Variants in MAPK8IP1 observed in about 807,000 individuals in gnomAD.
MAPK8IP1 encodes mitogen-activated protein kinase 8 interacting protein 1.
MAPK8IP1 carries 17 observed loss-of-function variants against 72.6 expected under a neutral mutation model. The observed-to-expected ratio is 0.23, with a 90% confidence interval of 0.16 to 0.35. The LOEUF is 0.35. Among genes scored for constraint, MAPK8IP1 ranks in the 10% least tolerant of loss-of-function variants. The probability of loss-of-function intolerance (pLI) is 1.00; values close to 1 mark genes in which losing one functional copy is unlikely to be tolerated. For missense variants in MAPK8IP1, 789 were observed against 1,009.7 expected (o/e 0.78, Z 2.96); for synonymous variants, 401 against 443.4 (o/e 0.90, Z 1.20).
At chr11:45,890,995 G>A (rs1418310968) in intron 1 of MAPK8IP1, among the ~76,000 whole-genome samples, 2 of 152,206 alleles carry the variant, frequency 1.3e-5, no homozygotes, top group Non-Finnish European at 2.9e-5. Context: ...GGTGGAGGTG[G>A]GGAGGTGCTG....
Position 45,904,112 on chromosome 11 carries a change from T to C in MAPK8IP1, c.1617T>C (p.Phe539=). The change falls in exon 7 of 12, where the codon TTT becomes TTC. Residue 539 remains phenylalanine (F), a synonymous_variant. Transcript: ENST00000241014. The surrounding 1 kb of genome is among the most constrained non-coding windows in gnomAD (Gnocchi z 6.4). The stretch of plus-strand genomic sequence containing the variant: ...TGCGCACTGGTGCCCGGGGTGTCTT[T>C]CCTGCCTATTACGCCATCGAGGTCA... ...YNMRTGARGV[F]PAYYAIEVTK... The C allele has an allele frequency of 5.0e-6, 8 of 1,614,052 alleles. No individual in the cohort carries two copies. Among genetic ancestry groups the C allele is most frequent in the Non-Finnish European group, 5.9e-6 (7 of 1,180,004 alleles).
intron 1 of MAPK8IP1, 132 bp downstream of exon 1, chr11:45,886,053 C>G (rs1346217620): frequency 6.0e-6 from 3 of 503,158 alleles, no homozygotes; most frequent in Non-Finnish European, 9.9e-6. Flanking sequence ...GGGGTCTCTT[C>G]CCGGGACAGA....
chr11:45,886,752 G>C (rs1306469969), intron 1 of MAPK8IP1, among the ~76,000 whole-genome samples: 1 of 152,174 alleles, frequency 6.6e-6, no homozygotes, highest in East Asian at 1.9e-4. Context: ...CCTAGTTGGT[G>C]GGGAGGAAGA....
In MAPK8IP1 at chr11:45,902,835, G is replaced by T; in HGVS notation, c.1068G>T (p.Leu356=). The T allele has an allele frequency of 6.3e-7, 1 of 1,582,312 alleles. No individual in the cohort carries two copies. Residue 356 remains leucine (L), a synonymous_variant, in exon 5 of 12, where the codon CTG becomes CTT. Transcript: ENST00000241014. The surrounding 1 kb of genome is among the most constrained non-coding windows in gnomAD (Gnocchi z 9.3). ...EPPGGGWRGS[L]GEPPPPPRAS... The stretch of plus-strand genomic sequence containing the variant: ...CAGGCGGAGGGTGGCGGGGGAGCCT[G>T]GGGGAGCCGCCGCCACCTCCACGGG...
At chr11:45,893,217 T>C (rs941622659) in intron 1 of MAPK8IP1, among the ~76,000 whole-genome samples, 2 of 150,834 alleles carry the variant, frequency 1.3e-5, no homozygotes, top group African/African-American at 5.0e-5. Context: ...CATACACTTC[T>C]AACTCAGCCT....
rs541379311 is a variant in MAPK8IP1, at chr11:45,896,997, G to C, written c.102-1088G>C. 27 of 1,541,548 alleles carry C rather than the reference G, an allele frequency of 1.8e-5. No homozygotes were observed. In the African/African-American group the frequency reaches 2.1e-4, roughly 12 times the overall value. ...GGGGGTGGAGACCGAGTTGGGGTGAGCTCCATCGAGCTCAGGGTCTCTGAT... is the reference window on the plus strand; with the variant it reads ...GGGGGTGGAGACCGAGTTGGGGTGACCTCCATCGAGCTCAGGGTCTCTGAT... On this transcript the variant is annotated intron_variant, in intron 1 of 11. Coordinates refer to ENST00000241014, the MANE Select transcript of MAPK8IP1 (RefSeq NM_005456.4).
In MAPK8IP1 at chr11:45,906,427, C is replaced by T; in HGVS notation, c.*706C>T. ...GGCCAGCCCCATCTTGGTCCTGTCA[C>T]CCTGGCCCCAACTATTAAAGTGCCA... On this transcript the variant is annotated 3_prime_UTR_variant, in exon 12 of 12. Transcript: ENST00000241014. The T allele has an allele frequency of 8.7e-7, 1 of 1,150,730 alleles. No individual in the cohort carries two copies. The highest frequency in any genetic ancestry group is 1.2e-6 in the Non-Finnish European group (1 of 849,422). The allele number at this position is 1,150,730 out of a possible 1,614,324, so 71.3% of individuals were successfully genotyped here. A position where few individuals can be genotyped will look rare whatever the true frequency, so the allele number is the denominator to read the frequency against.
chr11:45,897,494 A>G (rs966338440), intron 1 of MAPK8IP1, among the ~76,000 whole-genome samples: 1 of 152,192 alleles, frequency 6.6e-6, no homozygotes, highest in Non-Finnish European at 1.5e-5. Context: ...GGTTGAAGAG[A>G]TGAGACCACC....
rs2086676089 is a variant in MAPK8IP1 at position 45,903,572 on chromosome 11, G to A, written c.1493+132G>A. 5 of 793,058 alleles carry A rather than the reference G, an allele frequency of 6.3e-6. No individual in the cohort carries two copies. Among genetic ancestry groups the A allele is most frequent in the South Asian group, 1.5e-5 (1 of 67,624 alleles). 49.1% of individuals were successfully genotyped at this position (793,058 alleles called of 1,614,324 possible). On this transcript the variant is annotated intron_variant, in intron 6 of 11. Coordinates refer to ENST00000241014, the MANE Select transcript of MAPK8IP1 (RefSeq NM_005456.4). This position sits in a 1 kb window ranked among gnomAD's most constrained non-coding sequence, Gnocchi z 6.4. ...TTCATTTATCCACTCAGCCCTGGGA[G>A]GACAGTGTCCACTCTCTAGGGACTC... is the stretch of plus-strand genomic sequence containing the variant.
Position 45,885,854 on chromosome 11 carries a change from G to C in MAPK8IP1, c.34G>C (p.Gly12Arg), listed in dbSNP as rs1219034670. The change falls in exon 1 of 12, where the codon GGG (glycine) becomes CGG (arginine). Residue 12 changes from glycine to arginine, a missense_variant. By Grantham distance (125) the Gly-to-Arg change is moderately radical. Around this residue, in one of 4 missense-constraint regions of MAPK8IP1, gnomAD observed 112 missense variants for 111.8 expected, o/e 1.00. Coordinates refer to ENST00000241014, the MANE Select transcript of MAPK8IP1 (RefSeq NM_005456.4). ...AERESGGLGGGAASPPAASPF... is the reference protein window; with the variant it reads ...AERESGGLGGRAASPPAASPF... Reference sequence around the variant, plus strand: ...GCGAGAAAGCGGCGGCCTGGGAGGGGGGGCCGCGTCCCCGCCCGCCGCCTC... The same window carrying C: ...GCGAGAAAGCGGCGGCCTGGGAGGGCGGGCCGCGTCCCCGCCCGCCGCCTC... The C allele has an allele frequency of 2.1e-6, 3 of 1,451,462 alleles. No individual in the cohort carries two copies. The highest frequency in any genetic ancestry group is 2.7e-6 in the Non-Finnish European group (3 of 1,098,646). 89.9% of individuals were successfully genotyped at this position (1,451,462 alleles called of 1,614,324 possible). A position where few individuals can be genotyped will look rare whatever the true frequency, so the allele number is the denominator to read the frequency against.
chr11:45,905,392 C>T, intron 11 of MAPK8IP1, 143 bp downstream of exon 11: 1 of 874,652 alleles, frequency 1.1e-6, no homozygotes, highest in Non-Finnish European at 1.9e-6. Flanking sequence ...TGCGGGTGGC[C>T]TGGAGGGAGG....
rs1191139845 is a variant in MAPK8IP1 at position 45,885,684 on chromosome 11, C to G, written c.-137C>G. ...GGGCCGTGCGCGGTGCTGTGCCGCGCCCTGCCAGACACAGGTGCGCCCGCC... is the reference window on the plus strand; with the variant it reads ...GGGCCGTGCGCGGTGCTGTGCCGCGGCCTGCCAGACACAGGTGCGCCCGCC... On this transcript the variant is annotated 5_prime_UTR_variant, in exon 1 of 12. Coordinates refer to ENST00000241014, the MANE Select transcript of MAPK8IP1 (RefSeq NM_005456.4). 5.2e-6 allele frequency: 2 copies of G among 387,774 alleles called. No individual in the cohort carries two copies. The highest frequency in any genetic ancestry group is 7.5e-5 in the South Asian group (1 of 13,344). 24.0% of individuals were successfully genotyped at this position (387,774 alleles called of 1,614,324 possible). A position where few individuals can be genotyped will look rare whatever the true frequency, so the allele number is the denominator to read the frequency against.
At chr11:45,891,132 C>A (rs992896161) in intron 1 of MAPK8IP1, among the ~76,000 whole-genome samples, 2 of 152,162 alleles carry the variant, frequency 1.3e-5, no homozygotes, top group African/African-American at 4.8e-5. Context: ...AACCCCAGCT[C>A]GCTGATGGCA....
At chr11:45,905,499 T>C in intron 11 of MAPK8IP1, 150 bp from the exon 12 acceptor site, 1 of 810,486 alleles carries the variant, frequency 1.2e-6, no homozygotes, top group Admixed American at 1.8e-5. Flanking sequence ...GCGATGGCAA[T>C]TCTGTAGAGA....
Position 45,903,905 on chromosome 11 carries a change from G to A in MAPK8IP1, c.1494-84G>A. On this transcript the variant is annotated intron_variant, in intron 6 of 11. Coordinates refer to ENST00000241014, the MANE Select transcript of MAPK8IP1 (RefSeq NM_005456.4). This position sits in a 1 kb window ranked among gnomAD's most constrained non-coding sequence, Gnocchi z 6.4. The stretch of plus-strand genomic sequence containing the variant: ...TGCAAATGTTTACTGAAATAACGAT[G>A]CTGCTGTGGCTCCCAGACCCCAGAG... 8.0e-7 allele frequency: 1 copy of A among 1,251,370 alleles called. No individual in the cohort carries two copies. Among genetic ancestry groups the A allele is most frequent in the Non-Finnish European group, 1.2e-6 (1 of 857,516 alleles). 77.5% of individuals were successfully genotyped at this position (1,251,370 alleles called of 1,614,324 possible).
At chr11:45,890,813 C>T (rs556822780) in intron 1 of MAPK8IP1, among the ~76,000 whole-genome samples, 1 of 152,072 alleles carries the variant, frequency 6.6e-6, no homozygotes, top group African/African-American at 2.4e-5. Context: ...TACAGTCAGT[C>T]GGTTTTGGGT....
Position 45,904,468 on chromosome 11 carries a change from C to G in MAPK8IP1, c.1680C>G (p.Asn560Lys). Reference sequence around the variant, plus strand: ...CTTGCTTTCCAGCCCTGGCCAAAAACAGTGACTGGGTGGACCAGTTCCGGG... The same window carrying G: ...CTTGCTTTCCAGCCCTGGCCAAAAAGAGTGACTGGGTGGACCAGTTCCGGG... Reference protein sequence around the residue: ...EPEHMAALAKNSDWVDQFRVK... With the variant: ...EPEHMAALAKKSDWVDQFRVK... The change falls in exon 8 of 12, where the codon AAC becomes AAG. Residue 560 changes from asparagine (N) to lysine (K), a missense_variant. By Grantham distance (94) the Asn-to-Lys change is moderately conservative. Coordinates refer to ENST00000241014, the MANE Select transcript of MAPK8IP1 (RefSeq NM_005456.4). This position sits in a 1 kb window ranked among gnomAD's most constrained non-coding sequence, Gnocchi z 6.4. 1 of 1,614,074 alleles carries G rather than the reference C, an allele frequency of 6.2e-7. No individual in the cohort carries two copies. Among genetic ancestry groups the G allele is most frequent in the South Asian group, 1.1e-5 (1 of 91,076 alleles).
rs555314473 is a variant in MAPK8IP1, at chr11:45,905,911, A to G, written c.*190A>G. Reference sequence around the variant, plus strand: ...AGGCAAATGCAGTTTATTGTAATATATGGGATTAGATTCATCTATGGAGGG... The same window carrying G: ...AGGCAAATGCAGTTTATTGTAATATGTGGGATTAGATTCATCTATGGAGGG... On this transcript the variant is annotated 3_prime_UTR_variant, in exon 12 of 12. Coordinates refer to ENST00000241014, the MANE Select transcript of MAPK8IP1 (RefSeq NM_005456.4). 1.3e-4 allele frequency: 80 copies of G among 627,562 alleles called. No homozygotes were observed. In the African/African-American group the frequency reaches 1.4e-3, roughly 11 times the overall value. The allele number at this position is 627,562 out of a possible 1,614,324, so 38.9% of individuals were successfully genotyped here.
intron 2 of MAPK8IP1, among the ~76,000 whole-genome samples, chr11:45,899,430 A>G (rs1047236745): frequency 9.2e-5 from 14 of 152,230 alleles, no homozygotes; most frequent in African/African-American, 3.1e-4. Flanking sequence ...GCTGGGAGGC[A>G]GTAGTGTTAT....
Sources: allele counts gnomAD v4.1 joint callset (sites outside exome capture counted in the v4.1 genomes callset), GRCh38; gene constraint gnomAD v4.1.1; regional missense constraint gnomAD v4.1.1; non-coding constraint Gnocchi (gnomAD v3.1); transcripts MANE v1.5; gene names NCBI Gene and HGNC (gene_info 2026-07-23, HGNC 2026-07-21).